EDN1: variants seen among roughly 807,000 people sequenced by gnomAD.
The protein encoded by EDN1 is endothelin-1.
EDN1 carries 11 observed loss-of-function variants against 21.7 expected under a neutral mutation model. That is an observed-to-expected ratio of 0.51 (90% CI 0.32 to 0.84). The LOEUF is 0.84. Among genes scored for constraint, EDN1 ranks in the 40% least tolerant of loss-of-function variants. The pLI is 0.03. For synonymous variants in EDN1, 85 were observed against 90.6 expected (o/e 0.94, Z 0.35); for missense variants, 244 against 262.3 (o/e 0.93, Z 0.48).
intron 4 of EDN1, among the ~76,000 whole-genome samples, chr6:12,295,479 C>T (rs1762799913): frequency 6.6e-6 from 1 of 150,688 alleles, no homozygotes; most frequent in South Asian, 2.1e-4. Flanking sequence ...AACATTAGGC[C>T]TGCAAAAAAA....
chr6:12,234,613 C>G, the EDN1 span, among the ~76,000 whole-genome samples: 1 of 152,206 alleles, frequency 6.6e-6, no homozygotes, highest in African/African-American at 2.4e-5. Flanking sequence ...CACTGCTCTG[C>G]TGACCTCTAA....
At chr6:12,252,346 G>A in the EDN1 span, among the ~76,000 whole-genome samples, 7 of 152,110 alleles carry the variant, frequency 4.6e-5, no homozygotes, top group Non-Finnish European at 8.8e-5. Context: ...ACAAAACTGA[G>A]GTTTTAATTT....
At chr6:12,245,045 T>C in the EDN1 span, among the ~76,000 whole-genome samples, 1 of 152,214 alleles carries the variant, frequency 6.6e-6, no homozygotes, top group Non-Finnish European at 1.5e-5. Flanking sequence ...TCACCCATAA[T>C]TATTAGTGTA....
chr6:12,293,346 T>C (rs978364080), intron 2 of EDN1, among the ~76,000 whole-genome samples: 4 of 152,138 alleles, frequency 2.6e-5, no homozygotes, highest in Non-Finnish European at 4.4e-5. Context: ...AATGGACACA[T>C]TGGAAATTAT....
the EDN1 span, among the ~76,000 whole-genome samples, chr6:12,246,045 T>C: frequency 2.0e-5 from 3 of 152,032 alleles, no homozygotes; most frequent in African/African-American, 7.2e-5. Context: ...TTAAAGAAAT[T>C]GCATATACCT....
At chr6:12,244,834 C>T in the EDN1 span, among the ~76,000 whole-genome samples, 6 of 152,112 alleles carry the variant, frequency 3.9e-5, no homozygotes, top group Non-Finnish European at 7.4e-5. Context: ...CTTTGAGAGC[C>T]GCTGCTCTAG....
intron 4 of EDN1, among the ~76,000 whole-genome samples, chr6:12,295,626 TTCC>T (rs1490248983): frequency 6.6e-6 from 1 of 152,112 alleles, no homozygotes; most frequent in Non-Finnish European, 1.5e-5. Flanking sequence ...CTATGCTGAG[TTCC>T]TCAAGGCAGG....
At chr6:12,288,659 A>T (rs1762605691), upstream of EDN1, among the ~76,000 whole-genome samples, 1 of 152,062 alleles carries the variant, frequency 6.6e-6, no homozygotes, top group Non-Finnish European at 1.5e-5. Flanking sequence ...GATGCATGTC[A>T]TTATGGACCT....
the EDN1 span, among the ~76,000 whole-genome samples, chr6:12,265,237 G>C: frequency 2.0e-4 from 30 of 152,182 alleles, no homozygotes; most frequent in African/African-American, 7.0e-4. Context: ...ATATGTGCCT[G>C]ATATGTAATA....
chr6:12,289,778 C>T (rs925128405), upstream of EDN1, among the ~76,000 whole-genome samples: 1 of 152,050 alleles, frequency 6.6e-6, no homozygotes, highest in Non-Finnish European at 1.5e-5. Flanking sequence ...CCGATAGATG[C>T]AAAGAACTTC....
At chr6:12,254,550 G>T in the EDN1 span, among the ~76,000 whole-genome samples, 13 of 152,044 alleles carry the variant, frequency 8.6e-5, no homozygotes, top group African/African-American at 3.1e-4. Flanking sequence ...GATCTATCCA[G>T]AAGGGGTTTT....
At chr6:12,236,061 A>C in the EDN1 span, among the ~76,000 whole-genome samples, 1 of 152,204 alleles carries the variant, frequency 6.6e-6, no homozygotes, top group African/African-American at 2.4e-5. Context: ...CAGTCTTTTT[A>C]AACTGTATTC....
chr6:12,249,512 G>A, the EDN1 span, among the ~76,000 whole-genome samples: 1 of 150,434 alleles, frequency 6.6e-6, no homozygotes, highest in Non-Finnish European at 1.5e-5. Flanking sequence ...CTACTTAGGG[G>A]ATCTAGGATG....
the EDN1 span, among the ~76,000 whole-genome samples, chr6:12,244,992 T>A: frequency 6.6e-6 from 1 of 152,222 alleles, no homozygotes; most frequent in Admixed American, 6.5e-5. Context: ...AAGATTGTGA[T>A]AACTGAGTTT....
At chr6:12,284,225 A>G in the EDN1 span, among the ~76,000 whole-genome samples, 1 of 152,238 alleles carries the variant, frequency 6.6e-6, no homozygotes, top group Non-Finnish European at 1.5e-5. Flanking sequence ...ACATGAAAAC[A>G]AATTTCAAAT....
In EDN1 at chr6:12,296,176, C is replaced by A; in HGVS notation, c.*109C>A. Reference sequence around the variant, plus strand: ...AGAGCAGGAGCATCCTCTGCTGGTTCCTGACTGGCAAAGGACCAGCGTCCT... The same window carrying A: ...AGAGCAGGAGCATCCTCTGCTGGTTACTGACTGGCAAAGGACCAGCGTCCT... On this transcript the variant is annotated 3_prime_UTR_variant, in exon 5 of 5. Transcript: ENST00000379375. 1.0e-6 allele frequency: 1 copy of A among 995,530 alleles called. No individual in the cohort carries two copies. The highest frequency in any genetic ancestry group is 1.6e-6 in the Non-Finnish European group (1 of 622,888). 61.7% of individuals were successfully genotyped at this position (995,530 alleles called of 1,614,324 possible). A position where few individuals can be genotyped will look rare whatever the true frequency, so the allele number is the denominator to read the frequency against.
the EDN1 span, among the ~76,000 whole-genome samples, chr6:12,249,221 CTG>C: frequency 6.6e-6 from 1 of 152,112 alleles, no homozygotes; most frequent in African/African-American, 2.4e-5. Flanking sequence ...ATCTAGAATA[CTG>C]TGTGTCAGAT....
At chr6:12,246,603 A>G in the EDN1 span, among the ~76,000 whole-genome samples, 1 of 151,312 alleles carries the variant, frequency 6.6e-6, no homozygotes, top group Non-Finnish European at 1.5e-5. Context: ...TTGTTCTGCC[A>G]CTATCTGCTC....
the EDN1 span, among the ~76,000 whole-genome samples, chr6:12,277,942 G>C: frequency 6.6e-6 from 1 of 152,218 alleles, no homozygotes; most frequent in African/African-American, 2.4e-5. Flanking sequence ...CAAGCCTGTG[G>C]TTTTTATTTT....
Sources: allele counts gnomAD v4.1 joint callset (sites outside exome capture counted in the v4.1 genomes callset), GRCh38; gene constraint gnomAD v4.1.1; transcripts MANE v1.5; gene names NCBI Gene and HGNC (gene_info 2026-07-23, HGNC 2026-07-21).